Variants in CBFA2T3 observed in about 807,000 individuals in gnomAD.
CBFA2T3 encodes the protein transcriptional corepressor CBFA2T3.
In CBFA2T3, 31 loss-of-function variants were observed where a neutral mutation model predicts 58.6. The ratio of observed to expected loss-of-function variants is 0.53; its 90% CI spans 0.40 to 0.71. The LOEUF is 0.71. Ranked by LOEUF, CBFA2T3 falls within the 30% of genes least tolerant of loss-of-function variation. The probability of loss-of-function intolerance (pLI) is 0.00; values close to 1 mark genes in which losing one functional copy is unlikely to be tolerated. For synonymous variants in CBFA2T3, 531 were observed against 421.9 expected (o/e 1.26, Z -3.17); for missense variants, 1,076 against 963.1 (o/e 1.12, Z -1.55).
At chr16:88,926,568 C>T (rs542855169) in intron 1 of CBFA2T3, among the ~76,000 whole-genome samples, 11 of 152,318 alleles carry the variant, frequency 7.2e-5, no homozygotes, top group Admixed American at 5.2e-4. Flanking sequence ...CACCAGGTGG[C>T]CCTGGGTCAG....
At chr16:88,914,174 C>A (rs1567603989) in intron 1 of CBFA2T3, among the ~76,000 whole-genome samples, 3 of 152,236 alleles carry the variant, frequency 2.0e-5, no homozygotes, top group South Asian at 4.1e-4. Flanking sequence ...GGTGGCCAGG[C>A]CCCGCAGAGC....
At chr16:88,922,032 CG>C (rs1346432712) in intron 1 of CBFA2T3, among the ~76,000 whole-genome samples, 1 of 152,234 alleles carries the variant, frequency 6.6e-6, no homozygotes, top group African/African-American at 2.4e-5. Context: ...CAGGGTGAGC[CG>C]TGAGCCCAGG....
rs576934029 is a variant in CBFA2T3 at position 88,932,791 on chromosome 16, C to CAAAAAA, written c.152-31141_152-31136dup. 2.7e-3 allele frequency among the ~76,000 whole-genome samples: 75 copies of CAAAAAA among 27,868 alleles called. 3 individuals carry two copies. The highest frequency in any genetic ancestry group is 4.8e-3 in the East Asian group (3 of 624). 18.3% of individuals were successfully genotyped at this position (27,868 alleles called of 152,430 possible). Reference sequence around the variant, plus strand: ...GGCAAACCCGTCTCTACTAAAAATACAAAAAAAAAAAAAAAAAAAAAAAAA... The same window carrying CAAAAAA: ...GGCAAACCCGTCTCTACTAAAAATACAAAAAAAAAAAAAAAAAAAAAAAAAAAAAAA... On this transcript the variant is annotated intron_variant, in intron 1 of 11. Coordinates refer to ENST00000268679, the MANE Select transcript of CBFA2T3 (RefSeq NM_005187.6).
intron 5 of CBFA2T3, among the ~76,000 whole-genome samples, chr16:88,889,949 G>A (rs1014458535): frequency 5.0e-5 from 7 of 139,974 alleles, no homozygotes; most frequent in Non-Finnish European, 1.1e-4. Context: ...GACGCCGTGC[G>A]ATTCCTCCTC....
intron 1 of CBFA2T3, chr16:88,939,742 G>A (rs918206670): frequency 6.6e-6 from 1 of 152,280 alleles, no homozygotes; most frequent in East Asian, 1.9e-4. Flanking sequence ...GGAAGAACGT[G>A]CCCAGGAACT....
At chr16:88,915,124 G>T (rs1222348352) in intron 1 of CBFA2T3, among the ~76,000 whole-genome samples, 1 of 150,476 alleles carries the variant, frequency 6.6e-6, no homozygotes, top group East Asian at 2.0e-4. Context: ...GCCACCAAGG[G>T]AGGCAGCCGA....
At chr16:88,899,445 T>C (rs534727777) in intron 2 of CBFA2T3, among the ~76,000 whole-genome samples, 2 of 152,160 alleles carry the variant, frequency 1.3e-5, no homozygotes, top group Non-Finnish European at 2.9e-5. Flanking sequence ...TGCTTATCTC[T>C]TTCATAACCT....
chr16:88,935,602 C>CCTGGGGT (rs1971471773), intron 1 of CBFA2T3, among the ~76,000 whole-genome samples: 2 of 152,190 alleles, frequency 1.3e-5, no homozygotes, highest in Admixed American at 6.5e-5. Context: ...AGGCACAGGG[C>CCTGGGGT]CTGGGGTCTG....
At chr16:88,919,211 C>T (rs567890127) in intron 1 of CBFA2T3, among the ~76,000 whole-genome samples, 98 of 152,062 alleles carry the variant, frequency 6.4e-4, no homozygotes, top group African/African-American at 2.3e-3. Flanking sequence ...TTCTAAGTTG[C>T]GAGCCAATCG....
chr16:88,903,988 G>A (rs1019708457), intron 1 of CBFA2T3, among the ~76,000 whole-genome samples: 2 of 152,240 alleles, frequency 1.3e-5, no homozygotes, highest in African/African-American at 4.8e-5. Flanking sequence ...TAGGATGGAC[G>A]GACATGCCAC....
chr16:88,952,984 A>G (rs1290917773), intron 1 of CBFA2T3, among the ~76,000 whole-genome samples: 1 of 85,988 alleles, frequency 1.2e-5, no homozygotes, highest in Non-Finnish European at 2.3e-5. Context: ...ACCCCCACGC[A>G]GGGCCTGTGT....
intron 1 of CBFA2T3, among the ~76,000 whole-genome samples, chr16:88,965,172 A>G (rs1215269244): frequency 6.7e-6 from 1 of 149,740 alleles, no homozygotes; most frequent in Non-Finnish European, 1.5e-5. Flanking sequence ...TTAGAATTCA[A>G]AGTGAGGCAT....
intron 1 of CBFA2T3, among the ~76,000 whole-genome samples, chr16:88,929,008 C>A (rs1278578379): frequency 6.6e-6 from 1 of 152,164 alleles, no homozygotes; most frequent in Non-Finnish European, 1.5e-5. Context: ...GGAGGCCCCA[C>A]GAGGACCTCG....
chr16:88,878,260 G>A (rs1365212109), intron 11 of CBFA2T3, among the ~76,000 whole-genome samples: 4 of 152,260 alleles, frequency 2.6e-5, no homozygotes, highest in South Asian at 2.1e-4. Flanking sequence ...CTCTGTGAGA[G>A]TTGTGCCTGT....
In CBFA2T3 at chr16:88,922,200, C is replaced by T. The variant is rs539700891; in HGVS notation, c.152-20544G>A. ...GAGGGTCTTCACCCAAGAGGGTACC[C>T]CATGCCTCCCTGGAAAACAGCCCCC... On this transcript the variant is annotated intron_variant, in intron 1 of 11. Coordinates refer to ENST00000268679, the MANE Select transcript of CBFA2T3 (RefSeq NM_005187.6). 1.2e-4 allele frequency among the ~76,000 whole-genome samples: 19 copies of T among 152,342 alleles called. 1 individual carries two copies. The South Asian group carries it at 3.9e-3, about 32-fold the overall frequency.
chr16:88,945,074 A>T (rs1971868190), intron 1 of CBFA2T3, among the ~76,000 whole-genome samples: 1 of 152,270 alleles, frequency 6.6e-6, no homozygotes, highest in Non-Finnish European at 1.5e-5. Context: ...CTGCAACAAA[A>T]GTTTAGATAG....
chr16:88,907,251 C>T (rs12443964), intron 1 of CBFA2T3, among the ~76,000 whole-genome samples: 3,211 of 152,310 alleles, frequency 0.021, 47 homozygotes, highest in Non-Finnish European at 0.032. Context: ...GAGGCCTGGC[C>T]GCCCAGCACA....
At chr16:88,880,931 G>C (rs531307580) in intron 9 of CBFA2T3, 143 bp from the exon 10 acceptor site, 18 of 779,466 alleles carry the variant, frequency 2.3e-5, no homozygotes, top group Middle Eastern at 6.9e-4. Flanking sequence ...CTCGGACAAG[G>C]TCTGGCTCAG....
At chr16:88,880,517 G>C (rs992185417) in intron 10 of CBFA2T3, among the ~76,000 whole-genome samples, 3 of 152,362 alleles carry the variant, frequency 2.0e-5, no homozygotes, top group East Asian at 1.9e-4. Context: ...TCCGTTTCCT[G>C]GTAGGCGCAG....
Sources: gnomAD v4.1 joint callset for allele counts (sites outside exome capture counted in the v4.1 genomes callset) on GRCh38, gnomAD v4.1.1 for gene constraint, MANE v1.5 for transcripts, NCBI Gene and HGNC (gene_info 2026-07-23, HGNC 2026-07-21) for gene names.